TRAPPC9: variants seen among roughly 807,000 people sequenced by gnomAD.
The protein encoded by TRAPPC9 is IKK2 binding protein.
In TRAPPC9, 83 loss-of-function variants were observed where a neutral mutation model predicts 124.0. The ratio of observed to expected loss-of-function variants is 0.67; its 90% CI spans 0.56 to 0.80. The LOEUF (loss-of-function observed/expected upper bound fraction) is 0.80, where lower values mean the gene tolerates loss of function less well. Ranked by LOEUF, TRAPPC9 falls within the 30% of genes least tolerant of loss-of-function variation. TRAPPC9 has a pLI of 0.00. For missense variants in TRAPPC9, 1,302 were observed against 1,508.3 expected (o/e 0.86, Z 2.27); for synonymous variants, 638 against 617.5 (o/e 1.03, Z -0.49).
chr8:140,243,111 A>G (rs1177632485), intron 16 of TRAPPC9, among the ~76,000 whole-genome samples: 1 of 152,208 alleles, frequency 6.6e-6, no homozygotes, highest in Non-Finnish European at 1.5e-5. Context: ...GCCCACAGAA[A>G]GGGATGTCGA....
At chr8:140,392,933 A>G (rs1446575921) in intron 7 of TRAPPC9, among the ~76,000 whole-genome samples, 1 of 152,248 alleles carries the variant, frequency 6.6e-6, no homozygotes, top group Non-Finnish European at 1.5e-5. Flanking sequence ...AATGCTTTCT[A>G]AAAGCCAAGC....
At position 140,252,306 on chromosome 8, in the gene TRAPPC9, G is replaced by A. The variant is rs140596664; in HGVS notation, c.2431+471C>T. Among the ~76,000 whole-genome samples, 1 of 152,288 alleles carries A rather than the reference G, an allele frequency of 6.6e-6. No homozygotes were observed. Among genetic ancestry groups the A allele is most frequent in the African/African-American group, 2.4e-5 (1 of 41,562 alleles). ...CTCCCAGAGTGCTGAGATTATAGGT[G>A]TGAGCCATCACACCCAGCCAATCTA... On this transcript the variant is annotated intron_variant, in intron 16 of 22. Transcript: ENST00000438773. The surrounding 1 kb of genome is among the most constrained non-coding windows in gnomAD (Gnocchi z 4.2).
intron 21 of TRAPPC9, among the ~76,000 whole-genome samples, chr8:139,807,152 T>C (rs1177700794): frequency 6.6e-6 from 1 of 152,164 alleles, no homozygotes; most frequent in African/African-American, 2.4e-5. Flanking sequence ...AGCCAGGGAT[T>C]TCCAGCGCAG....
At chr8:140,145,035 C>T (rs1260047403) in intron 17 of TRAPPC9, among the ~76,000 whole-genome samples, 1 of 151,496 alleles carries the variant, frequency 6.6e-6, no homozygotes, top group African/African-American at 2.4e-5. Flanking sequence ...TGCCGTCACA[C>T]CCAGCTAATT....
intron 5 of TRAPPC9, 91 bp downstream of exon 5, chr8:140,426,524 T>C: frequency 8.1e-7 from 1 of 1,240,592 alleles, no homozygotes; most frequent in Non-Finnish European, 1.2e-6. Context: ...CCAAAGATCA[T>C]CATCCAGAAA....
chr8:139,754,171 C>G (rs767841264), intron 21 of TRAPPC9, among the ~76,000 whole-genome samples: 1 of 152,210 alleles, frequency 6.6e-6, no homozygotes, highest in Admixed American at 6.5e-5. Flanking sequence ...GCTCCATGCT[C>G]TGCTCCTGAC....
chr8:140,288,726 T>C (rs981563048), intron 12 of TRAPPC9, among the ~76,000 whole-genome samples: 9 of 152,228 alleles, frequency 5.9e-5, no homozygotes, highest in African/African-American at 2.2e-4. Context: ...GTTATTTCTA[T>C]AGTTTAGCAA....
intron 6 of TRAPPC9, among the ~76,000 whole-genome samples, chr8:140,404,340 A>C (rs2069394267): frequency 1.3e-5 from 2 of 152,216 alleles, no homozygotes. Context: ...AGAAAGCCTA[A>C]GTATCCATCC....
chr8:139,947,894 G>GTGTGTATATATATATATATATA lies in TRAPPC9; in HGVS notation c.2811-37595_2811-37594insTATATATATATATATATACACA, dbSNP rs1554678277. ...AAAAAAAAAAAAAAGAAATATGTGT[G>GTGTGTATATATATATATATATA]TATATATATATATAGAGAGAGAGAG... On this transcript the variant is annotated intron_variant, in intron 19 of 22. Transcript: ENST00000438773. Among the ~76,000 whole-genome samples, 75 of 65,778 alleles carry GTGTGTATATATATATATATATA rather than the reference G, an allele frequency of 1.1e-3. 8 individuals are homozygous for GTGTGTATATATATATATATATA. Among genetic ancestry groups the GTGTGTATATATATATATATATA allele is most frequent in the Non-Finnish European group, 1.6e-3 (53 of 33,830 alleles). 43.2% of individuals were successfully genotyped at this position (65,778 alleles called of 152,430 possible).
chr8:140,135,206 A>C (rs2061279340), intron 17 of TRAPPC9, among the ~76,000 whole-genome samples: 1 of 152,194 alleles, frequency 6.6e-6, no homozygotes, highest in Non-Finnish European at 1.5e-5. Flanking sequence ...ACCCTTGTGC[A>C]TTGCTAGTGG....
chr8:139,867,077 G>A (rs1206760258), intron 21 of TRAPPC9, among the ~76,000 whole-genome samples: 3 of 152,102 alleles, frequency 2.0e-5, no homozygotes, highest in Admixed American at 6.6e-5. Context: ...CAAGTGATCC[G>A]CCCGCCTTGG....
At chr8:140,398,334 G>C (rs982075412) in intron 6 of TRAPPC9, among the ~76,000 whole-genome samples, 8 of 152,236 alleles carry the variant, frequency 5.3e-5, no homozygotes, top group African/African-American at 1.9e-4. Context: ...ACAGACAGAG[G>C]TTGGAACAGT....
chr8:140,311,206 C>G, intron 10 of TRAPPC9, 42 bp downstream of exon 10: 2 of 1,604,344 alleles, frequency 1.2e-6, no homozygotes, highest in Non-Finnish European at 1.7e-6. Flanking sequence ...GACGGTGTCC[C>G]AGAGGGCAGC....
rs374375521 is a variant in TRAPPC9 at position 140,164,202 on chromosome 8, T to A, written c.2556+57257A>T. Among the ~76,000 whole-genome samples the A allele has an allele frequency of 3.9e-5, 6 of 152,288 alleles. 1 individual carries two copies. The highest frequency in any genetic ancestry group is 1.4e-4 in the African/African-American group (6 of 41,542). On this transcript the variant is annotated intron_variant, in intron 17 of 22. Transcript: ENST00000438773. The stretch of plus-strand genomic sequence containing the variant: ...CTTTGACTCATTCTCTCCCAATGCT[T>A]ACAACCAAACTTCACAAAAGAGGGA...
intron 19 of TRAPPC9, among the ~76,000 whole-genome samples, chr8:139,987,906 G>T (rs376868053): frequency 6.6e-6 from 1 of 152,114 alleles, no homozygotes; most frequent in African/African-American, 2.4e-5. Context: ...ACTCACCTCT[G>T]CCGGGCCAGG....
At chr8:139,975,607 T>C (rs894059415) in intron 19 of TRAPPC9, among the ~76,000 whole-genome samples, 2 of 152,264 alleles carry the variant, frequency 1.3e-5, no homozygotes, top group Admixed American at 1.3e-4. Flanking sequence ...TAAAGATCAA[T>C]TTCCCTCAAC....
intron 15 of TRAPPC9, among the ~76,000 whole-genome samples, chr8:140,274,503 C>T (rs1330590939): frequency 2.0e-5 from 3 of 152,196 alleles, no homozygotes; most frequent in South Asian, 2.1e-4. Context: ...CGCAAAGCTT[C>T]GTGCTTTACT....
At chr8:139,962,296 G>GTA (rs1353073280) in intron 19 of TRAPPC9, among the ~76,000 whole-genome samples, 3 of 124,602 alleles carry the variant, frequency 2.4e-5, no homozygotes, top group Admixed American at 8.5e-5. Flanking sequence ...TCCCAGAACA[G>GTA]TAAGATTCAG....
intron 18 of TRAPPC9, among the ~76,000 whole-genome samples, chr8:139,998,629 G>A (rs557961388): frequency 6.6e-6 from 1 of 152,324 alleles, no homozygotes; most frequent in African/African-American, 2.4e-5. Context: ...GGCTGAGGCA[G>A]GAGAATGGTG....
Sources: gnomAD v4.1 joint callset for allele counts (sites outside exome capture counted in the v4.1 genomes callset) on GRCh38, gnomAD v4.1.1 for gene constraint, Gnocchi (gnomAD v3.1) non-coding constraint, MANE v1.5 for transcripts, NCBI Gene and HGNC (gene_info 2026-07-23, HGNC 2026-07-21) for gene names.